Variants in GPC6 observed in about 807,000 individuals in gnomAD.
The protein encoded by GPC6 is glypican-6.
In GPC6, 14 loss-of-function variants were observed where a neutral mutation model predicts 55.2. That is an observed-to-expected ratio of 0.25 (90% CI 0.17 to 0.40). The LOEUF is 0.40. Ranked by LOEUF, GPC6 falls within the 10% of genes least tolerant of loss-of-function variation. GPC6 has a pLI of 1.00. For synonymous variants in GPC6, 278 were observed against 259.6 expected, an observed-to-expected ratio of 1.07 and a Z score of -0.68; for missense variants, 641 against 708.5, an observed-to-expected ratio of 0.90 and a Z score of 1.08.
Position 93,227,665 on chromosome 13 carries a change from A to G in GPC6, c.160+49A>G. 1 of 1,474,924 alleles carries G rather than the reference A, an allele frequency of 6.8e-7. No individual in the cohort carries two copies. Among genetic ancestry groups the G allele is most frequent in the Non-Finnish European group, 9.2e-7 (1 of 1,087,286 alleles). 91.4% of individuals were successfully genotyped at this position (1,474,924 alleles called of 1,614,324 possible). ...GCAGGCTGCAGCCCTCGGCTGCCGC[A>G]CGTCCCACTGGCCGCCCGGCGTCCC... On this transcript the variant is annotated intron_variant, in intron 1 of 8. Coordinates refer to ENST00000377047, the MANE Select transcript of GPC6 (RefSeq NM_005708.5). The surrounding 1 kb of genome is among the most constrained non-coding windows in gnomAD (Gnocchi z 4.3).
intron 2 of GPC6, among the ~76,000 whole-genome samples, chr13:93,554,762 G>T (rs912130616): frequency 2.0e-5 from 3 of 152,140 alleles, no homozygotes; most frequent in African/African-American, 7.2e-5. Flanking sequence ...ACAAGAACAG[G>T]ATCCTGAACC....
intron 4 of GPC6, among the ~76,000 whole-genome samples, chr13:94,137,815 G>A (rs548186132): frequency 2.2e-4 from 34 of 152,226 alleles, no homozygotes; most frequent in African/African-American, 8.2e-4. Flanking sequence ...TAGTGCTAGG[G>A]GACTTGTTAA....
intron 4 of GPC6, among the ~76,000 whole-genome samples, chr13:94,231,251 A>G (rs1023486231): frequency 6.6e-6 from 1 of 152,058 alleles, no homozygotes; most frequent in Non-Finnish European, 1.5e-5. Flanking sequence ...GGTGTAGTCA[A>G]TCACAAGGGC....
chr13:93,880,833 C>A (rs1487511335), intron 3 of GPC6, among the ~76,000 whole-genome samples: 1 of 150,258 alleles, frequency 6.7e-6, no homozygotes, highest in Admixed American at 6.7e-5. Flanking sequence ...AGAGTGATTA[C>A]CCAATTTAAA....
intron 2 of GPC6, among the ~76,000 whole-genome samples, chr13:93,712,211 G>T (rs1703954020): frequency 1.3e-5 from 2 of 151,648 alleles, no homozygotes; most frequent in African/African-American, 4.8e-5. Flanking sequence ...TATATAATTT[G>T]CTCACCAAGT....
chr13:93,539,018 C>T lies in GPC6; in HGVS notation c.161-6245C>T, dbSNP rs182518361. On this transcript the variant is annotated intron_variant, in intron 1 of 8. Coordinates refer to ENST00000377047, the MANE Select transcript of GPC6 (RefSeq NM_005708.5). ...TATGTATACATGTGCCATGCTGGTGCGCTGCACCCACCAACGTGTCATCCA... is the reference window on the plus strand; with the variant it reads ...TATGTATACATGTGCCATGCTGGTGTGCTGCACCCACCAACGTGTCATCCA... Among the ~76,000 whole-genome samples the T allele has an allele frequency of 1.1e-3, 170 of 151,622 alleles. 1 individual carries two copies. Among genetic ancestry groups the T allele is most frequent in the South Asian group, 4.2e-4 (2 of 4,810 alleles).
chr13:93,418,758 G>T (rs1011098851), intron 1 of GPC6, among the ~76,000 whole-genome samples: 1 of 150,898 alleles, frequency 6.6e-6, no homozygotes, highest in Non-Finnish European at 1.5e-5. Flanking sequence ...CTATACCGTA[G>T]CATCACTTTA....
intron 1 of GPC6, among the ~76,000 whole-genome samples, chr13:93,414,469 G>A (rs139588960): frequency 3.2e-4 from 49 of 152,178 alleles, no homozygotes; most frequent in Middle Eastern, 3.4e-3. Flanking sequence ...CAATACGATC[G>A]TCTGTTTCTT....
intron 2 of GPC6, among the ~76,000 whole-genome samples, chr13:93,683,103 C>T (rs1214260999): frequency 6.7e-6 from 1 of 148,746 alleles, no homozygotes; most frequent in Admixed American, 6.8e-5. Context: ...TGAAAAATAA[C>T]ATTTATCATT....
chr13:94,341,294 G>T (rs1878021444), intron 6 of GPC6, among the ~76,000 whole-genome samples: 1 of 151,996 alleles, frequency 6.6e-6, no homozygotes, highest in South Asian at 2.1e-4. Context: ...GTTAAAGATT[G>T]TTACTATAGG....
chr13:94,244,961 A>G (rs530850456), intron 4 of GPC6, among the ~76,000 whole-genome samples: 1 of 152,220 alleles, frequency 6.6e-6, no homozygotes, highest in South Asian at 2.1e-4. Flanking sequence ...AATGGTTACT[A>G]TATAGTGGAA....
intron 2 of GPC6, among the ~76,000 whole-genome samples, chr13:93,745,814 A>G (rs1235483313): frequency 6.6e-6 from 1 of 152,188 alleles, no homozygotes; most frequent in Non-Finnish European, 1.5e-5. Flanking sequence ...TGATGATAAG[A>G]AGAAGAAGAC....
chr13:94,253,859 T>C (rs1891429112), intron 4 of GPC6, among the ~76,000 whole-genome samples: 1 of 152,178 alleles, frequency 6.6e-6, no homozygotes, highest in Non-Finnish European at 1.5e-5. Context: ...CGGAACACTT[T>C]ATCAATTCTT....
In GPC6 at chr13:93,425,249, C is replaced by T. The variant is rs1594160652; in HGVS notation, c.161-120014C>T. ...TTACTGTGGCTCGGCTGGGTACTGG[C>T]CACTTTAGCAACATTGAAATAATCT... On this transcript the variant is annotated intron_variant, in intron 1 of 8. Coordinates refer to ENST00000377047, the MANE Select transcript of GPC6 (RefSeq NM_005708.5). Among the ~76,000 whole-genome samples, 8 of 152,180 alleles carry T rather than the reference C, an allele frequency of 5.3e-5. 2 individuals are homozygous for T. The highest frequency in any genetic ancestry group is 1.9e-4 in the African/African-American group (8 of 41,536).
At chr13:94,311,940 A>G (rs1876269968) in intron 6 of GPC6, among the ~76,000 whole-genome samples, 1 of 152,202 alleles carries the variant, frequency 6.6e-6, no homozygotes, top group Non-Finnish European at 1.5e-5. Context: ...GGCTTCAGTT[A>G]AGTCAGTAGT....
chr13:94,074,855 T>C (rs968971671), intron 4 of GPC6, among the ~76,000 whole-genome samples: 3 of 152,212 alleles, frequency 2.0e-5, no homozygotes, highest in Admixed American at 1.3e-4. Context: ...TAGATCACAG[T>C]GAGTCTGGTG....
chr13:93,449,945 G>T (rs537468451), intron 1 of GPC6, among the ~76,000 whole-genome samples: 1 of 150,748 alleles, frequency 6.6e-6, no homozygotes, highest in South Asian at 2.1e-4. Context: ...TCTTTGAGAC[G>T]GTGTCTCGCT....
chr13:94,231,051 T>A (rs1890710060), intron 4 of GPC6, among the ~76,000 whole-genome samples: 1 of 152,130 alleles, frequency 6.6e-6, no homozygotes, highest in Non-Finnish European at 1.5e-5. Context: ...CCTAGCTGTG[T>A]CTCCATAGCC....
chr13:93,776,214 T>A (rs1046006523), intron 2 of GPC6, among the ~76,000 whole-genome samples: 8 of 152,096 alleles, frequency 5.3e-5, no homozygotes, highest in African/African-American at 1.9e-4. Context: ...GGAGTAGAAT[T>A]TCATTATGTT....
Sources: allele counts gnomAD v4.1 joint callset (sites outside exome capture counted in the v4.1 genomes callset), GRCh38; gene constraint gnomAD v4.1.1; non-coding constraint Gnocchi (gnomAD v3.1); transcripts MANE v1.5; gene names NCBI Gene and HGNC (gene_info 2026-07-23, HGNC 2026-07-21).